The following SREBF2 variants were observed in gnomAD, a reference collection of about 807,000 sequenced individuals.
SREBF2 encodes sterol regulatory element binding transcription factor 2.
Under a neutral mutation model 113.1 loss-of-function variants are expected in SREBF2, and 55 were observed. The ratio of observed to expected loss-of-function variants is 0.49; its 90% CI spans 0.39 to 0.61. The LOEUF is 0.61. Among genes scored for constraint, SREBF2 ranks in the 20% least tolerant of loss-of-function variants. The pLI is 0.00. For missense variants in SREBF2, 1,349 were observed against 1,487.4 expected (o/e 0.91, Z 1.53); for synonymous variants, 593 against 605.7 (o/e 0.98, Z 0.31).
intron 1 of SREBF2, among the ~76,000 whole-genome samples, chr22:41,865,317 G>A (rs1569386818): frequency 6.6e-6 from 1 of 152,112 alleles, no homozygotes; most frequent in Non-Finnish European, 1.5e-5. Context: ...TTGGAAAGGA[G>A]GGGCCATAGT....
At chr22:41,895,423 GC>G (rs2077405813) in intron 13 of SREBF2, among the ~76,000 whole-genome samples, 3 of 145,834 alleles carry the variant, frequency 2.1e-5, no homozygotes, top group African/African-American at 2.6e-5. Context: ...GAGCCACCAT[GC>G]CCAGGCCTTT....
rs1211144775 is a variant in SREBF2 at position 41,875,582 on chromosome 22, A to G, written c.1244A>G (p.Asn415Ser). Reference protein sequence around the residue: ...KGIDLGSLVDNEVDLKIEDFN... With the variant: ...KGIDLGSLVDSEVDLKIEDFN... ...ATCGACCTAGGCAGTCTGGTGGACA[A>G]TGAGGTGGACCTGAAGATCGAGGAC... is the stretch of plus-strand genomic sequence containing the variant. The change falls in exon 7 of 19, where the codon AAT becomes AGT. Residue 415 changes from asparagine (N) to serine (S), a missense_variant. Asn to Ser is a conservative substitution (Grantham distance 46, BLOSUM62 1). Around this residue, in one of 2 missense-constraint regions of SREBF2, gnomAD observed 699 missense variants for 843.3 expected, o/e 0.83. Coordinates refer to ENST00000361204, the MANE Select transcript of SREBF2 (RefSeq NM_004599.4). 5 of 1,614,238 alleles carry G rather than the reference A, an allele frequency of 3.1e-6. No homozygotes were observed. Among genetic ancestry groups the G allele is most frequent in the East Asian group, 2.2e-5 (1 of 44,882 alleles).
At position 41,868,657 on chromosome 22, in the gene SREBF2, G is replaced by C; in HGVS notation, c.585G>C (p.Gln195His). 6.2e-7 allele frequency: 1 copy of C among 1,614,194 alleles called. No homozygotes were observed. The highest frequency in any genetic ancestry group is 8.5e-7 in the Non-Finnish European group (1 of 1,180,038). ...VQSLVTSSQV[Q>H]PVTIQQQVQT... ...GCCTGGTGACATCCTCCCAGGTACA[G>C]CCGGTCACCATTCAGCAGCAGGTGC... Residue 195 changes from glutamine to histidine, a missense_variant, in exon 3 of 19, where the codon CAG becomes CAC. Physicochemically the swap from Gln to His is conservative, Grantham distance 24. Coordinates refer to ENST00000361204, the MANE Select transcript of SREBF2 (RefSeq NM_004599.4).
At position 41,843,530 on chromosome 22, in the gene SREBF2, G is replaced by A. The variant is rs189039847; in HGVS notation, c.88+10172G>A. ...CTGCAGGTGAAGAAACTGAGGCATA[G>A]ATCACGTAGCTTGTAAGTGATGGAA... On this transcript the variant is annotated intron_variant, in intron 1 of 18. Transcript: ENST00000361204. 6.0e-3 allele frequency among the ~76,000 whole-genome samples: 910 copies of A among 152,354 alleles called. 26 individuals are homozygous for A. Among genetic ancestry groups the A allele is most frequent in the Admixed American group, 0.053 (807 of 15,296 alleles).
In SREBF2 at chr22:41,877,974, A is replaced by C; in HGVS notation, c.1612A>C (p.Thr538Pro). The C allele has an allele frequency of 1.2e-6, 2 of 1,613,662 alleles. No individual in the cohort carries two copies. Among genetic ancestry groups the C allele is most frequent in the Non-Finnish European group, 1.7e-6 (2 of 1,179,938 alleles). Residue 538 changes from threonine to proline, a missense_variant, in exon 9 of 19, where the codon ACT (threonine) becomes CCT (proline). Thr to Pro is a conservative substitution (Grantham distance 38). Coordinates refer to ENST00000361204, the MANE Select transcript of SREBF2 (RefSeq NM_004599.4). ...SGGWFDWMMP[T>P]LLLWLVNGVI... ...GGGCTGGTTTGACTGGATGATGCCTACTCTTCTCTTATGGCTGGTAAATGG... is the reference window on the plus strand; with the variant it reads ...GGGCTGGTTTGACTGGATGATGCCTCCTCTTCTCTTATGGCTGGTAAATGG...
rs374052006 is a variant in SREBF2, at chr22:41,873,848, G to T, written c.918G>T (p.Met306Ile). 65 of 1,612,958 alleles carry T rather than the reference G, an allele frequency of 4.0e-5. No homozygotes were observed. Among genetic ancestry groups the T allele is most frequent in the Non-Finnish European group, 5.4e-5 (64 of 1,179,554 alleles). ...TTCTGACCACAATGCCTGTAATGAT[G>T]GGGCAAGAGAAAGTGCCCATTAAGC... Reference protein sequence around the residue: ...GTILTTMPVMMGQEKVPIKQV... With the variant: ...GTILTTMPVMIGQEKVPIKQV... Residue 306 changes from methionine (M) to isoleucine (I), a missense_variant, in exon 5 of 19, where the codon ATG becomes ATT. This residue lies in a region of SREBF2 where 699 missense variants were observed against 843.3 expected (regional missense o/e 0.83). Transcript: ENST00000361204.
In SREBF2 at chr22:41,871,192, C is replaced by T. The variant is rs9607853; in HGVS notation, c.867+157C>T. 0.097 allele frequency among the ~76,000 whole-genome samples: 14,777 copies of T among 152,106 alleles called. 1,163 individuals are homozygous for T. The highest frequency in any genetic ancestry group is 0.22 in the African/African-American group (9,134 of 41,466). On this transcript the variant is annotated intron_variant, in intron 4 of 18. Coordinates refer to ENST00000361204, the MANE Select transcript of SREBF2 (RefSeq NM_004599.4). ...AATGTCACCCCTCTTAGTTGTTTTT[C>T]GCTCGAAAAAGTATTAGCAATGTGT...
Position 41,905,787 on chromosome 22 carries a change from C to A in SREBF2, c.*127C>A. ...CTGTCACCTGCCGAGGCTTCTGGGC[C>A]ACTCAGGCCAGTGCACCCCTGGGCA... On this transcript the variant is annotated 3_prime_UTR_variant, in exon 19 of 19. Coordinates refer to ENST00000361204, the MANE Select transcript of SREBF2 (RefSeq NM_004599.4). 1 of 1,089,022 alleles carries A rather than the reference C, an allele frequency of 9.2e-7. No individual in the cohort carries two copies. Among genetic ancestry groups the A allele is most frequent in the Non-Finnish European group, 1.4e-6 (1 of 727,798 alleles). The allele number at this position is 1,089,022 out of a possible 1,614,324, so 67.5% of individuals were successfully genotyped here. A position where few individuals can be genotyped will look rare whatever the true frequency, so the allele number is the denominator to read the frequency against.
intron 15 of SREBF2, chr22:41,899,702 G>A (rs1488695020): frequency 1.1e-5 from 6 of 547,536 alleles, no homozygotes; most frequent in African/African-American, 6.2e-5. Context: ...TCCCCCAGTC[G>A]ATGTGCCTGA....
chr22:41,891,101 T>C (rs1455188827), intron 11 of SREBF2: 1 of 152,036 alleles, frequency 6.6e-6, no homozygotes, highest in Non-Finnish European at 1.5e-5. Flanking sequence ...CCCTTGCTGA[T>C]TGGACATGTG....
intron 8 of SREBF2, among the ~76,000 whole-genome samples, chr22:41,877,699 G>GT (rs1025285407): frequency 1.3e-5 from 2 of 152,178 alleles, no homozygotes; most frequent in Non-Finnish European, 2.9e-5. Flanking sequence ...AGGATATCGT[G>GT]TTTTTTATCT....
At chr22:41,887,489 C>A (rs2077310208) in intron 11 of SREBF2, among the ~76,000 whole-genome samples, 1 of 152,168 alleles carries the variant, frequency 6.6e-6, no homozygotes, top group Non-Finnish European at 1.5e-5. Context: ...GAGAGTCTTG[C>A]AGTATACACT....
chr22:41,847,149 T>C (rs938506558), intron 1 of SREBF2, among the ~76,000 whole-genome samples: 1 of 152,158 alleles, frequency 6.6e-6, no homozygotes, highest in African/African-American at 2.4e-5. Flanking sequence ...TGGTGGGATG[T>C]TGGGGTCTTT....
chr22:41,898,712 G>T lies in SREBF2; in HGVS notation c.2669G>T (p.Gly890Val). The change falls in exon 15 of 19, where the codon GGA becomes GTA. Residue 890 changes from glycine (G) to valine (V), a missense_variant. Physicochemically the swap from Gly to Val is moderately radical, Grantham distance 109. Transcript: ENST00000361204. ...ACTGTGGCCATCAGCTGGCTCCAGG[G>T]AGACGATGCAGCTGTGCGCTCTCAT... ...AITVAISWLQGDDAAVRSHFT... is the reference protein window; with the variant it reads ...AITVAISWLQVDDAAVRSHFT... The T allele has an allele frequency of 6.2e-7, 1 of 1,614,148 alleles. No individual in the cohort carries two copies. The highest frequency in any genetic ancestry group is 8.5e-7 in the Non-Finnish European group (1 of 1,180,018).
At chr22:41,841,774 A>T (rs1388171064) in intron 1 of SREBF2, among the ~76,000 whole-genome samples, 1 of 152,220 alleles carries the variant, frequency 6.6e-6, no homozygotes, top group Non-Finnish European at 1.5e-5. Context: ...TCGTCTGAAC[A>T]TTGCTTATCT....
chr22:41,905,377 G>A (rs1406079422), intron 18 of SREBF2, 63 bp from the exon 19 acceptor site: 104 of 1,473,260 alleles, frequency 7.1e-5, no homozygotes, highest in Non-Finnish European at 8.6e-5. Flanking sequence ...TCCAGGTAAC[G>A]CCAAGGAACT....
chr22:41,877,466 A>G lies in SREBF2; in HGVS notation c.1579+45A>G, dbSNP rs528998461. On this transcript the variant is annotated intron_variant, in intron 8 of 18. Transcript: ENST00000361204. The stretch of plus-strand genomic sequence containing the variant: ...CCCACCTGGGCATGGCTGGACCACT[A>G]TGGCAGGAGAAGGACCCTGTGTACA... 10 of 1,601,588 alleles carry G rather than the reference A, an allele frequency of 6.2e-6. No homozygotes were observed. In the East Asian group the frequency reaches 2.2e-4, roughly 36 times the overall value.
At chr22:41,898,866 C>T (rs1230521302) in intron 15 of SREBF2, 85 bp downstream of exon 15, 26 of 1,563,730 alleles carry the variant, frequency 1.7e-5, no homozygotes, top group South Asian at 7.0e-5. Flanking sequence ...ACTGGGTGGG[C>T]GTGTTGGGGT....
intron 1 of SREBF2, among the ~76,000 whole-genome samples, chr22:41,860,023 T>G: frequency 6.6e-6 from 1 of 151,794 alleles, no homozygotes; most frequent in Non-Finnish European, 1.5e-5. Context: ...GCCAGGATGG[T>G]CTCGATCTCC....
Sources: allele counts gnomAD v4.1 joint callset (sites outside exome capture counted in the v4.1 genomes callset), GRCh38; gene constraint gnomAD v4.1.1; regional missense constraint gnomAD v4.1.1; transcripts MANE v1.5; gene names NCBI Gene and HGNC (gene_info 2026-07-23, HGNC 2026-07-21).